TMEM17: variants seen among roughly 807,000 people sequenced by gnomAD.
TMEM17 encodes transmembrane protein 17.
TMEM17 carries 15 observed loss-of-function variants against 19.1 expected under a neutral mutation model. That is an observed-to-expected ratio of 0.78 (90% CI 0.52 to 1.21). TMEM17 has a LOEUF of 1.21. TMEM17 is among the 50% of genes most tolerant of loss of function. The probability of loss-of-function intolerance (pLI) is 0.00; values close to 1 mark genes in which losing one functional copy is unlikely to be tolerated. For synonymous variants in TMEM17, 103 were observed against 86.9 expected (o/e 1.19, Z -1.03); for missense variants, 245 against 242.3 (o/e 1.01, Z -0.07).
the TMEM17 span, among the ~76,000 whole-genome samples, chr2:62,476,007 C>T: frequency 1.3e-5 from 2 of 152,164 alleles, no homozygotes; most frequent in Non-Finnish European, 2.9e-5. Context: ...AGTGTGTTCC[C>T]AGGACCTACC....
chr2:62,464,245 C>T, the TMEM17 span, among the ~76,000 whole-genome samples: 1 of 152,240 alleles, frequency 6.6e-6, no homozygotes, highest in African/African-American at 2.4e-5. Context: ...TGTCTGTGGA[C>T]AGCAGAGCTA....
chr2:62,488,849 G>T, the TMEM17 span, among the ~76,000 whole-genome samples: 2 of 133,920 alleles, frequency 1.5e-5, no homozygotes, highest in Admixed American at 1.6e-4. Flanking sequence ...CCTTAGCACA[G>T]CTTCTCTGCT....
chr2:62,455,734 G>A, the TMEM17 span, among the ~76,000 whole-genome samples: 300 of 152,248 alleles, frequency 2.0e-3, 1 homozygote, highest in African/African-American at 6.6e-3. Context: ...ACCACTGCAC[G>A]CCAGCCTGGC....
the TMEM17 span, among the ~76,000 whole-genome samples, chr2:62,464,276 C>G: frequency 6.6e-6 from 1 of 152,246 alleles, no homozygotes; most frequent in East Asian, 1.9e-4. Flanking sequence ...GTAACACGCC[C>G]TGTGGGGCTT....
At chr2:62,467,377 A>G in the TMEM17 span, among the ~76,000 whole-genome samples, 1 of 152,138 alleles carries the variant, frequency 6.6e-6, no homozygotes, top group East Asian at 1.9e-4. Context: ...CAGAAAGGAG[A>G]AAGGACTTGC....
chr2:62,488,317 A>G, the TMEM17 span, among the ~76,000 whole-genome samples: 1 of 152,174 alleles, frequency 6.6e-6, no homozygotes, highest in African/African-American at 2.4e-5. Flanking sequence ...GTATGACCCA[A>G]ATGCAAAGTT....
chr2:62,470,193 C>T, the TMEM17 span, among the ~76,000 whole-genome samples: 1 of 152,202 alleles, frequency 6.6e-6, no homozygotes, highest in Non-Finnish European at 1.5e-5. Flanking sequence ...CTGGGGGCAC[C>T]TTTCCTCTGT....
chr2:62,463,843 A>C, the TMEM17 span: 2 of 152,250 alleles, frequency 1.3e-5, no homozygotes, highest in African/African-American at 4.8e-5. Context: ...CTCCAGACTC[A>C]GCTGGCAGAG....
chr2:62,457,300 G>T, the TMEM17 span, among the ~76,000 whole-genome samples: 1 of 152,204 alleles, frequency 6.6e-6, no homozygotes, highest in Non-Finnish European at 1.5e-5. The surrounding 1 kb of genome is among the most constrained non-coding windows in gnomAD (Gnocchi z 4.2). Flanking sequence ...CTCTAGAGAA[G>T]GCAGAGACTG....
At chr2:62,477,095 C>T in the TMEM17 span, among the ~76,000 whole-genome samples, 3 of 152,276 alleles carry the variant, frequency 2.0e-5, no homozygotes, top group African/African-American at 7.2e-5. Flanking sequence ...AGCTTAATCC[C>T]TCCCAGGACC....
At chr2:62,474,091 T>G in the TMEM17 span, among the ~76,000 whole-genome samples, 1 of 152,110 alleles carries the variant, frequency 6.6e-6, no homozygotes, top group Non-Finnish European at 1.5e-5. Flanking sequence ...GGCCTGCTTG[T>G]CAGGCTTTGG....
chr2:62,471,028 G>A, the TMEM17 span, among the ~76,000 whole-genome samples: 2 of 152,212 alleles, frequency 1.3e-5, no homozygotes, highest in African/African-American at 2.4e-5. Context: ...GTGAGCAATG[G>A]AGAGGAAGCT....
intron 1 of TMEM17, among the ~76,000 whole-genome samples, chr2:62,504,857 C>T (rs1378497087): frequency 1.3e-5 from 2 of 152,134 alleles, no homozygotes; most frequent in African/African-American, 2.4e-5. Flanking sequence ...TGGAACACAG[C>T]CCTGCCTATT....
chr2:62,504,240 A>G (rs1680005281), intron 1 of TMEM17, among the ~76,000 whole-genome samples: 1 of 152,212 alleles, frequency 6.6e-6, no homozygotes, highest in Non-Finnish European at 1.5e-5. Flanking sequence ...TTATTAAATT[A>G]CCACTGATAA....
rs1170346365 is a variant in TMEM17 at position 62,501,358 on chromosome 2, A to G, written c.448T>C (p.Phe150Leu). ...EKAIHIIFTL[F>L]LAFQVVAAFL... is the part of the protein sequence containing the mutation. ...GCTGCAACAACTTGGAAAGCAAGGA[A>G]GAGAGTGAAGATGATATGTATCGCT... The change falls in exon 4 of 4, where the codon TTC becomes CTC. Residue 150 changes from phenylalanine (F) to leucine (L), a missense_variant. By Grantham distance (22) the Phe-to-Leu change is conservative. Coordinates refer to ENST00000335390, the MANE Select transcript of TMEM17 (RefSeq NM_198276.3). The G allele has an allele frequency of 1.2e-6, 2 of 1,614,116 alleles. No homozygotes were observed. Among genetic ancestry groups the G allele is most frequent in the East Asian group, 2.2e-5 (1 of 44,896 alleles).
the TMEM17 span, among the ~76,000 whole-genome samples, chr2:62,472,633 T>G: frequency 6.6e-6 from 1 of 152,156 alleles, no homozygotes; most frequent in Non-Finnish European, 1.5e-5. Flanking sequence ...TGATCCAGAC[T>G]CAGATGCTCA....
At position 62,500,921 on chromosome 2, in the gene TMEM17, G is replaced by A. The variant is rs1199087971; in HGVS notation, c.*288C>T. ...AACCAGAAATGCTACGAGAGAGCTG[G>A]CAAATGACAACCACCAATACATAGA... is the stretch of plus-strand genomic sequence containing the variant. On this transcript the variant is annotated 3_prime_UTR_variant, in exon 4 of 4. Transcript: ENST00000335390. The A allele has an allele frequency of 1.1e-5, 3 of 268,124 alleles. No homozygotes were observed. The highest frequency in any genetic ancestry group is 2.1e-5 in the Non-Finnish European group (3 of 142,678). The allele number at this position is 268,124 out of a possible 1,614,324, so 16.6% of individuals were successfully genotyped here.
At chr2:62,488,350 G>C in the TMEM17 span, among the ~76,000 whole-genome samples, 1 of 152,128 alleles carries the variant, frequency 6.6e-6, no homozygotes, top group Non-Finnish European at 1.5e-5. Context: ...TAAAATGAAT[G>C]TCATAGAAAG....
chr2:62,505,965 C>A (rs904920555), intron 1 of TMEM17, 65 bp downstream of exon 1: 34 of 1,437,478 alleles, frequency 2.4e-5, no homozygotes, highest in Non-Finnish European at 3.0e-5. Context: ...AAATTCTGGA[C>A]GCTCCAAAAT....
Sources: allele counts gnomAD v4.1 joint callset (sites outside exome capture counted in the v4.1 genomes callset), GRCh38; gene constraint gnomAD v4.1.1; non-coding constraint Gnocchi (gnomAD v3.1); transcripts MANE v1.5; gene names NCBI Gene and HGNC (gene_info 2026-07-23, HGNC 2026-07-21).